The following KIRREL3 variants were observed in gnomAD, a reference collection of about 807,000 sequenced individuals.
The protein encoded by KIRREL3 is kin of IRRE-like protein 3.
KIRREL3 carries 36 observed loss-of-function variants against 89.7 expected under a neutral mutation model. The ratio of observed to expected loss-of-function variants is 0.40; its 90% CI spans 0.31 to 0.53. The LOEUF (loss-of-function observed/expected upper bound fraction) is 0.53. Among genes scored for constraint, KIRREL3 ranks in the 20% least tolerant of loss-of-function variants. The pLI is 0.49. For missense variants in KIRREL3, 864 were observed against 1,056.6 expected (o/e 0.82, Z 2.53); for synonymous variants, 445 against 441.4 (o/e 1.01, Z -0.10).
intron 11 of KIRREL3, among the ~76,000 whole-genome samples, chr11:126,439,286 G>T (rs763511507): frequency 3.6e-4 from 55 of 151,888 alleles, no homozygotes; most frequent in Non-Finnish European, 2.6e-4. Context: ...AGCCAAGATT[G>T]CACCATTGCA....
intron 4 of KIRREL3, among the ~76,000 whole-genome samples, chr11:126,483,017 C>T (rs937485969): frequency 6.6e-6 from 1 of 152,232 alleles, no homozygotes; most frequent in African/African-American, 2.4e-5. Flanking sequence ...AAAAAGTTTA[C>T]TCTCCAATCC....
chr11:126,449,603 CCATA>C (rs753507596), intron 7 of KIRREL3, among the ~76,000 whole-genome samples: 2 of 152,162 alleles, frequency 1.3e-5, no homozygotes, highest in Non-Finnish European at 2.9e-5. Context: ...CGGAGCATGC[CCATA>C]CATGCATGCT....
chr11:126,907,542 T>A (rs894145284), intron 1 of KIRREL3, among the ~76,000 whole-genome samples: 2 of 152,168 alleles, frequency 1.3e-5, no homozygotes, highest in African/African-American at 4.8e-5. Flanking sequence ...TTGAGAAGCA[T>A]AAGAGAACTT....
chr11:126,714,964 C>T (rs1175227985), intron 1 of KIRREL3, among the ~76,000 whole-genome samples: 3 of 152,186 alleles, frequency 2.0e-5, no homozygotes, highest in African/African-American at 7.2e-5. Flanking sequence ...CCATCCCAGG[C>T]ACCCGAGGCG....
At chr11:126,556,390 T>C (rs1298907546) in intron 2 of KIRREL3, among the ~76,000 whole-genome samples, 6 of 152,238 alleles carry the variant, frequency 3.9e-5, no homozygotes. Flanking sequence ...TCTGTAATCC[T>C]AGCACTTTGG....
Position 126,463,087 on chromosome 11 carries a change from TG to T in KIRREL3, c.742+69del. ...TCCTGCTATCAGATGGGCCAGGCTA[TG>T]GTCAGGGTTGCTGGGTGTTTCACCC... On this transcript the variant is annotated intron_variant, in intron 6 of 16. Coordinates refer to ENST00000525144, the MANE Select transcript of KIRREL3 (RefSeq NM_032531.4). The surrounding 1 kb of genome is among the most constrained non-coding windows in gnomAD (Gnocchi z 5.9). 6.8e-7 allele frequency: 1 copy of T among 1,476,980 alleles called. No homozygotes were observed. Among genetic ancestry groups the T allele is most frequent in the Non-Finnish European group, 9.3e-7 (1 of 1,071,950 alleles). 91.5% of individuals were successfully genotyped at this position (1,476,980 alleles called of 1,614,324 possible). A position where few individuals can be genotyped will look rare whatever the true frequency, so the allele number is the denominator to read the frequency against.
chr11:126,789,575 C>CA, intron 1 of KIRREL3, among the ~76,000 whole-genome samples: 1 of 152,214 alleles, frequency 6.6e-6, no homozygotes, highest in East Asian at 1.9e-4. Flanking sequence ...TCTCTGGTTC[C>CA]AAAAAATTGT....
chr11:126,429,193 T>C lies in KIRREL3; in HGVS notation c.1792A>G (p.Ile598Val), dbSNP rs1955041669. 4.3e-6 allele frequency: 7 copies of C among 1,610,932 alleles called. No individual in the cohort carries two copies. Among genetic ancestry groups the C allele is most frequent in the African/African-American group, 1.3e-5 (1 of 75,008 alleles). The change falls in exon 15 of 17, where the codon ATC becomes GTC. Residue 598 changes from isoleucine (I) to valine (V), a missense_variant. Coordinates refer to ENST00000525144, the MANE Select transcript of KIRREL3 (RefSeq NM_032531.4). The surrounding 1 kb of genome is among the most constrained non-coding windows in gnomAD (Gnocchi z 5.2). ...TGCATTCTTACCATCAGCTGCTTGA[T>C]GGTGGAGTGCTCCTCACCCTCCCGA... is the stretch of plus-strand genomic sequence containing the variant. ...SGREGEEHST[I>V]KQLMMDRGEF... is the part of the protein sequence containing the mutation.
intron 2 of KIRREL3, among the ~76,000 whole-genome samples, chr11:126,538,389 G>A (rs1938087694): frequency 6.6e-6 from 1 of 152,204 alleles, no homozygotes; most frequent in Non-Finnish European, 1.5e-5. Context: ...CAAGCAAATA[G>A]GAAGAAGGGA....
rs1418364787 is a variant in KIRREL3, at chr11:126,523,738, T to C, written c.284-2274A>G. ...CTGCTGCCGCTGCCTTCCTTGTAGC[T>C]GGCTGGCTACCCCCAGCCCCTCCAG... is the stretch of plus-strand genomic sequence containing the variant. On this transcript the variant is annotated intron_variant, in intron 3 of 16. Transcript: ENST00000525144. The surrounding 1 kb of genome is among the most constrained non-coding windows in gnomAD (Gnocchi z 4.9). Among the ~76,000 whole-genome samples, 5 of 152,202 alleles carry C rather than the reference T, an allele frequency of 3.3e-5. No homozygotes were observed. Among genetic ancestry groups the C allele is most frequent in the African/African-American group, 1.2e-4 (5 of 41,454 alleles).
chr11:126,768,268 A>G lies in KIRREL3; in HGVS notation c.56-205356T>C, dbSNP rs1949909278. 6.7e-6 allele frequency among the ~76,000 whole-genome samples: 1 copy of G among 149,866 alleles called. No homozygotes were observed. The highest frequency in any genetic ancestry group is 1.5e-5 in the Non-Finnish European group (1 of 67,890). On this transcript the variant is annotated intron_variant, in intron 1 of 16. Coordinates refer to ENST00000525144, the MANE Select transcript of KIRREL3 (RefSeq NM_032531.4). This position sits in a 1 kb window ranked among gnomAD's most constrained non-coding sequence, Gnocchi z 4.5. ...CATCCATACATGCATCCACCCATCC[A>G]TCCATCCATTCATCCATCCATCCAT...
At chr11:126,784,538 C>A (rs1438943139) in intron 1 of KIRREL3, among the ~76,000 whole-genome samples, 1 of 151,934 alleles carries the variant, frequency 6.6e-6, no homozygotes, top group Non-Finnish European at 1.5e-5. Flanking sequence ...GTGCAGTGAA[C>A]AACCTGTACA....
In KIRREL3 at chr11:127,000,062, C is replaced by G. The variant is rs192844548; in HGVS notation, c.55+393G>C. Among the ~76,000 whole-genome samples the G allele has an allele frequency of 6.6e-6, 1 of 152,132 alleles. No individual in the cohort carries two copies. The highest frequency in any genetic ancestry group is 1.5e-5 in the Non-Finnish European group (1 of 68,036). On this transcript the variant is annotated intron_variant, in intron 1 of 16. Coordinates refer to ENST00000525144, the MANE Select transcript of KIRREL3 (RefSeq NM_032531.4). The surrounding 1 kb of genome is among the most constrained non-coding windows in gnomAD (Gnocchi z 7.1). ...AAATATCCACCTAAACCAAGCTCTC[C>G]CTCCCTGCCGTCTCCTTCCCTGGCC... is the stretch of plus-strand genomic sequence containing the variant.
intron 1 of KIRREL3, among the ~76,000 whole-genome samples, chr11:126,863,791 G>A (rs1430695977): frequency 1.3e-5 from 2 of 152,190 alleles, no homozygotes; most frequent in Non-Finnish European, 2.9e-5. Context: ...TTTCAGGGGG[G>A]ATTTTACAGG....
intron 1 of KIRREL3, among the ~76,000 whole-genome samples, chr11:126,593,215 C>T (rs1244604981): frequency 6.6e-6 from 1 of 152,256 alleles, no homozygotes; most frequent in Non-Finnish European, 1.5e-5. Flanking sequence ...GAGCAGTTCT[C>T]CCACAGCTCA....
At position 126,516,786 on chromosome 11, in the gene KIRREL3, A is replaced by T. The variant is rs1287701982; in HGVS notation, c.433+4529T>A. 6.6e-6 allele frequency among the ~76,000 whole-genome samples: 1 copy of T among 152,202 alleles called. No individual in the cohort carries two copies. The highest frequency in any genetic ancestry group is 2.1e-4 in the South Asian group (1 of 4,828). ...GTAGGTGGAAGAAGGAGCAGTCTGC[A>T]TGTATATGTGTACACAACTTTAAAA... On this transcript the variant is annotated intron_variant, in intron 4 of 16. Coordinates refer to ENST00000525144, the MANE Select transcript of KIRREL3 (RefSeq NM_032531.4). This position sits in a 1 kb window ranked among gnomAD's most constrained non-coding sequence, Gnocchi z 4.9.
At chr11:126,695,997 T>C (rs1281678921) in intron 1 of KIRREL3, among the ~76,000 whole-genome samples, 1 of 152,156 alleles carries the variant, frequency 6.6e-6, no homozygotes, top group Non-Finnish European at 1.5e-5. Flanking sequence ...CTTATGCCTG[T>C]AATCCCAGCA....
intron 1 of KIRREL3, among the ~76,000 whole-genome samples, chr11:126,650,145 C>T (rs766507130): frequency 7.9e-4 from 121 of 152,322 alleles, no homozygotes; most frequent in Non-Finnish European, 1.1e-3. Context: ...CTGCACACAG[C>T]GTGGGGACCC....
chr11:126,512,322 G>T (rs1333787830), intron 4 of KIRREL3, among the ~76,000 whole-genome samples: 5 of 152,236 alleles, frequency 3.3e-5, no homozygotes, highest in Non-Finnish European at 5.9e-5. Flanking sequence ...GCGTGCACCA[G>T]CGCATTTGTC....
Sources: gnomAD v4.1 joint callset for allele counts (sites outside exome capture counted in the v4.1 genomes callset) on GRCh38, gnomAD v4.1.1 for gene constraint, Gnocchi (gnomAD v3.1) non-coding constraint, MANE v1.5 for transcripts, NCBI Gene and HGNC (gene_info 2026-07-23, HGNC 2026-07-21) for gene names.